Variants in LMO2 observed in about 807,000 individuals in gnomAD.
LMO2 encodes rhombotin-2.
In LMO2, 20 loss-of-function variants were observed where a neutral mutation model predicts 23.2. That is an observed-to-expected ratio of 0.86 (90% confidence interval 0.61 to 1.25). The LOEUF (loss-of-function observed/expected upper bound fraction) is 1.25, where lower values mean the gene tolerates loss of function less well. LMO2 is among the 50% of genes most tolerant of loss of function. The pLI is 0.00. For synonymous variants in LMO2, 123 were observed against 130.2 expected (o/e 0.94, Z 0.38); for missense variants, 270 against 315.3 (o/e 0.86, Z 1.09).
chr11:33,865,076 G>A, intron 4 of LMO2: 2 of 539,058 alleles, frequency 3.7e-6, no homozygotes, highest in Non-Finnish European at 3.4e-6. Flanking sequence ...AAAGGCAATT[G>A]CAGGTGGCAC....
intron 1 of LMO2, among the ~76,000 whole-genome samples, chr11:33,889,280 A>G (rs1002143976): frequency 1.3e-5 from 2 of 152,142 alleles, no homozygotes; most frequent in African/African-American, 4.8e-5. Context: ...GAGCTCACCA[A>G]CTAGGGGTGA....
At chr11:33,888,255 C>T (rs1857460642) in intron 1 of LMO2, among the ~76,000 whole-genome samples, 1 of 152,172 alleles carries the variant, frequency 6.6e-6, no homozygotes, top group African/African-American at 2.4e-5. Context: ...TGCAAATGGC[C>T]AGCCTTATGC....
chr11:33,867,153 G>A (rs571461213), intron 4 of LMO2, among the ~76,000 whole-genome samples: 88 of 152,292 alleles, frequency 5.8e-4, no homozygotes, highest in African/African-American at 2.0e-3. Flanking sequence ...AGGCAGTGGG[G>A]GCCACCAGTA....
In LMO2 at chr11:33,880,163, AT is replaced by A. The variant is rs1857229971; in HGVS notation, c.-272+1660del. Among the ~76,000 whole-genome samples, 1 of 16,306 alleles carries A rather than the reference AT, an allele frequency of 6.1e-5. No individual in the cohort carries two copies. The highest frequency in any genetic ancestry group is 1.4e-4 in the Non-Finnish European group (1 of 7,042). 10.7% of individuals were successfully genotyped at this position (16,306 alleles called of 152,430 possible). On this transcript the variant is annotated intron_variant, in intron 2 of 5. Transcript: ENST00000257818. The surrounding 1 kb of genome is among the most constrained non-coding windows in gnomAD (Gnocchi z 4.3). ...CTATTTTATGTGTACATATATATAC[AT>A]ATGATATATACACATGATATATATA... is the stretch of plus-strand genomic sequence containing the variant.
rs192892735 is a variant in LMO2, at chr11:33,874,565, G to A, written c.-271-4578C>T. ...TGCTGCACAGTAAATGGTCAGAAAC[G>A]ATAGCTGTTGGTATTACCCCATCTT... On this transcript the variant is annotated intron_variant, in intron 2 of 5. Coordinates refer to ENST00000257818, the MANE Select transcript of LMO2 (RefSeq NM_005574.4). 5.9e-5 allele frequency among the ~76,000 whole-genome samples: 9 copies of A among 152,320 alleles called. No individual in the cohort carries two copies. In the East Asian group the frequency reaches 1.5e-3, roughly 26 times the overall value.
chr11:33,866,495 G>C (rs1486148432), intron 4 of LMO2, among the ~76,000 whole-genome samples: 1 of 152,154 alleles, frequency 6.6e-6, no homozygotes, highest in East Asian at 1.9e-4. Flanking sequence ...AATTGCCCAG[G>C]CTTGGTGGCA....
At chr11:33,868,124 T>C (rs1856852822) in intron 4 of LMO2, among the ~76,000 whole-genome samples, 2 of 152,206 alleles carry the variant, frequency 1.3e-5, no homozygotes, top group Non-Finnish European at 2.9e-5. Context: ...CAAGACTGAA[T>C]AGTGATGTTT....
chr11:33,870,060 T>G, intron 2 of LMO2, 73 bp from the exon 3 acceptor site: 1 of 510,090 alleles, frequency 2.0e-6, no homozygotes, highest in Non-Finnish European at 2.5e-6. Context: ...CCACCTCCCC[T>G]TTTTTCTTCC....
intron 4 of LMO2, among the ~76,000 whole-genome samples, chr11:33,867,026 G>A (rs182211414): frequency 1.9e-4 from 29 of 152,268 alleles, no homozygotes; most frequent in Middle Eastern, 3.4e-3. Flanking sequence ...GAACCTGGAC[G>A]CACATTGGAT....
Position 33,886,962 on chromosome 11 carries a change from G to A in LMO2, c.-336+4833C>T, listed in dbSNP as rs534160985. 3.9e-5 allele frequency among the ~76,000 whole-genome samples: 6 copies of A among 152,372 alleles called. No individual in the cohort carries two copies. The East Asian group carries it at 1.2e-3, about 29-fold the overall frequency. ...TCGCTCTTCCATCCATAGCCAGCAG[G>A]TCCCACTTATTATTTGCCATTGGTC... On this transcript the variant is annotated intron_variant, in intron 1 of 5. Transcript: ENST00000257818.
In LMO2 at chr11:33,869,502, TCGCCGC is replaced by T; in HGVS notation, c.86_91del (p.Gly29_Gly30del). The T allele has an allele frequency of 8.4e-7, 1 of 1,197,000 alleles. No homozygotes were observed. Among genetic ancestry groups the T allele is most frequent in the Non-Finnish European group, 1.0e-6 (1 of 961,712 alleles). 74.1% of individuals were successfully genotyped at this position (1,197,000 alleles called of 1,614,324 possible). ...TCGGGCGCCGCCGCCGCCGCCGCCG[TCGCCGC>T]CGCTCCTGCGCCTCCGCTTGCTCCG... is the stretch of plus-strand genomic sequence containing the variant. On this transcript the variant is annotated inframe_deletion, in exon 4 of 6. Transcript: ENST00000257818.
At chr11:33,871,567 CAAAAAAAAAA>C (rs58212820) in intron 2 of LMO2, among the ~76,000 whole-genome samples, 4 of 52,938 alleles carry the variant, frequency 7.6e-5, no homozygotes, top group African/African-American at 2.6e-4. Context: ...GACCCTGTCT[CAAAAAAAAAA>C]AAAAAAAAAA....
intron 5 of LMO2, among the ~76,000 whole-genome samples, chr11:33,862,083 G>C (rs921131896): frequency 2.0e-5 from 3 of 152,220 alleles, no homozygotes; most frequent in African/African-American, 7.2e-5. Flanking sequence ...CCTGAGGCAA[G>C]GATTGATGTG....
intron 1 of LMO2, among the ~76,000 whole-genome samples, chr11:33,887,207 G>A (rs983086116): frequency 8.5e-5 from 13 of 152,248 alleles, no homozygotes; most frequent in Non-Finnish European, 1.8e-4. Flanking sequence ...GAAACCACAA[G>A]CCATTTTGTA....
At chr11:33,884,727 A>C (rs1197482087) in intron 1 of LMO2, among the ~76,000 whole-genome samples, 2 of 152,206 alleles carry the variant, frequency 1.3e-5, no homozygotes, top group Non-Finnish European at 2.9e-5. Flanking sequence ...TGGTACATCC[A>C]TTGGGCTATT....
rs1359626700 is a variant in LMO2, at chr11:33,880,167, G to GATATATATATATC, written c.-272+1656_-272+1657insGATATATATATAT. 0.2 allele frequency among the ~76,000 whole-genome samples: 6,585 copies of GATATATATATATC among 32,170 alleles called. 1,835 individuals carry two copies. Among genetic ancestry groups the GATATATATATATC allele is most frequent in the East Asian group, 0.49 (724 of 1,472 alleles). The allele number at this position is 32,170 out of a possible 152,430, so 21.1% of individuals were successfully genotyped here. On this transcript the variant is annotated intron_variant, in intron 2 of 5. Coordinates refer to ENST00000257818, the MANE Select transcript of LMO2 (RefSeq NM_005574.4). This position sits in a 1 kb window ranked among gnomAD's most constrained non-coding sequence, Gnocchi z 4.3. ...TTTATGTGTACATATATATACATAT[G>GATATATATATATC]ATATATACACATGATATATATATCA...
intron 2 of LMO2, among the ~76,000 whole-genome samples, chr11:33,871,802 C>A (rs1290254165): frequency 6.6e-6 from 1 of 152,002 alleles, no homozygotes; most frequent in Non-Finnish European, 1.5e-5. Context: ...TTTTGGAACC[C>A]AACTGCCTGG....
intron 2 of LMO2, among the ~76,000 whole-genome samples, chr11:33,872,349 C>T (rs1008493455): frequency 6.6e-6 from 1 of 152,080 alleles, no homozygotes; most frequent in African/African-American, 2.4e-5. Flanking sequence ...AAAATGGAGA[C>T]GACAGAACCT....
At chr11:33,861,689 T>A (rs1376275222) in intron 5 of LMO2, among the ~76,000 whole-genome samples, 1 of 152,196 alleles carries the variant, frequency 6.6e-6, no homozygotes, top group Non-Finnish European at 1.5e-5. Flanking sequence ...ACAGTGTGCA[T>A]GGAATGAATC....
Sources: gnomAD v4.1 joint callset for allele counts (sites outside exome capture counted in the v4.1 genomes callset) on GRCh38, gnomAD v4.1.1 for gene constraint, Gnocchi (gnomAD v3.1) non-coding constraint, MANE v1.5 for transcripts, NCBI Gene and HGNC (gene_info 2026-07-23, HGNC 2026-07-21) for gene names.